PHF12: variants seen among roughly 807,000 people sequenced by gnomAD.
PHF12 encodes PHD factor 1.
A neutral mutation model predicts 99.8 loss-of-function variants in PHF12; 6 were observed. The observed-to-expected ratio is 0.06, with a 90% CI of 0.03 to 0.12. The LOEUF (loss-of-function observed/expected upper bound fraction) is 0.12, where lower values mean the gene tolerates loss of function less well. PHF12 is among the 10% of genes least tolerant of loss of function. PHF12 has a pLI of 1.00. For synonymous variants in PHF12, 480 were observed against 514.9 expected (o/e 0.93, Z 0.92); for missense variants, 954 against 1,300.1 (o/e 0.73, Z 4.09).
intron 8 of PHF12, 45 bp downstream of exon 8, chr17:28,913,834 C>T (rs1406720562): frequency 6.4e-7 from 1 of 1,569,246 alleles, no homozygotes; most frequent in African/African-American, 1.3e-5. Context: ...TGTGGTGACA[C>T]AGAAGGAAGG....
chr17:28,912,337 C>CTA, intron 9 of PHF12, 145 bp downstream of exon 9: 2 of 1,410,478 alleles, frequency 1.4e-6, no homozygotes, highest in Non-Finnish European at 1.8e-6. Flanking sequence ...GCTTCCTCTT[C>CTA]TATTACGGAA....
intron 4 of PHF12, among the ~76,000 whole-genome samples, chr17:28,922,165 T>A (rs2040178553): frequency 6.6e-6 from 1 of 152,194 alleles, no homozygotes; most frequent in African/African-American, 2.4e-5. Context: ...GGAGTTGGCC[T>A]GCAGTCTTGA....
chr17:28,909,489 G>A (rs2039922841), intron 11 of PHF12: 1 of 153,140 alleles, frequency 6.5e-6, no homozygotes, highest in African/African-American at 2.4e-5. Flanking sequence ...TTAACCACTT[G>A]GGGAAAATTT....
In PHF12 at chr17:28,906,692, G is replaced by A. The variant is rs1034089832; in HGVS notation, c.2680+164C>T. On this transcript the variant is annotated intron_variant, in intron 14 of 14. Transcript: ENST00000332830. The surrounding 1 kb of genome is among the most constrained non-coding windows in gnomAD (Gnocchi z 4.2). ...AGTCCCCACAGGTGTGTACACACAT[G>A]GGGGTACTCAGCACTTGCTTCTCTG... is the stretch of plus-strand genomic sequence containing the variant. 13 of 1,221,828 alleles carry A rather than the reference G, an allele frequency of 1.1e-5. No homozygotes were observed. The African/African-American group carries it at 2.0e-4, about 19-fold the overall frequency. 75.7% of individuals were successfully genotyped at this position (1,221,828 alleles called of 1,614,324 possible).
In PHF12 at chr17:28,929,355, G is replaced by A. The variant is rs180835419; in HGVS notation, c.249-2292C>T. Among the ~76,000 whole-genome samples, 11 of 151,774 alleles carry A rather than the reference G, an allele frequency of 7.2e-5. No homozygotes were observed. The East Asian group carries it at 2.0e-3, about 27-fold the overall frequency. On this transcript the variant is annotated intron_variant, in intron 2 of 14. Coordinates refer to ENST00000332830, the MANE Select transcript of PHF12 (RefSeq NM_001033561.2). ...CCTCCCATGTTCAAGCAATTCTCCC[G>A]CCTCAGCCTCCTGAGTAGCTAGGAT...
At chr17:28,931,376 C>T (rs2040401335) in intron 2 of PHF12, among the ~76,000 whole-genome samples, 1 of 151,652 alleles carries the variant, frequency 6.6e-6, no homozygotes, top group African/African-American at 2.4e-5. Flanking sequence ...TTGCCTCAGC[C>T]TCCCGAGTAG....
intron 6 of PHF12, among the ~76,000 whole-genome samples, chr17:28,918,447 G>A (rs1311516336): frequency 6.6e-6 from 1 of 152,196 alleles, no homozygotes; most frequent in African/African-American, 2.4e-5. Flanking sequence ...GTCTTTAACC[G>A]AGGTTCCTCT....
intron 2 of PHF12, among the ~76,000 whole-genome samples, chr17:28,936,050 TGCA>T (rs2040503006): frequency 6.6e-6 from 1 of 152,242 alleles, no homozygotes; most frequent in South Asian, 2.1e-4. Flanking sequence ...CTAATAAGGC[TGCA>T]GCTCAACACT....
rs767343036 is a variant in PHF12 at position 28,924,056 on chromosome 17, C to A, written c.568G>T (p.Val190Leu). 6.2e-7 allele frequency: 1 copy of A among 1,614,186 alleles called. No individual in the cohort carries two copies. ...TCCGCTGCTACTGGTTCCTCATCCA[C>A]GTCAATGATGTCTTCGTCGACATCA... ...QNDVDEDIID[V>L]DEEPVAAEPD... Residue 190 changes from valine (V) to leucine (L), a missense_variant, in exon 4 of 15, where the codon GTG becomes TTG. By Grantham distance (32) the Val-to-Leu change is conservative (BLOSUM62 1). Coordinates refer to ENST00000332830, the MANE Select transcript of PHF12 (RefSeq NM_001033561.2).
At chr17:28,926,517 T>C (rs976313980) in intron 3 of PHF12, 20 of 317,624 alleles carry the variant, frequency 6.3e-5, no homozygotes, top group African/African-American at 3.5e-4. Flanking sequence ...AGTACTGAAT[T>C]ATCAAAGCTG....
Position 28,906,824 on chromosome 17 carries a change from C to A in PHF12, c.2680+32G>T. 1 of 1,569,524 alleles carries A rather than the reference C, an allele frequency of 6.4e-7. No individual in the cohort carries two copies. Among genetic ancestry groups the A allele is most frequent in the Non-Finnish European group, 8.7e-7 (1 of 1,155,312 alleles). On this transcript the variant is annotated intron_variant, in intron 14 of 14. Transcript: ENST00000332830. The surrounding 1 kb of genome is among the most constrained non-coding windows in gnomAD (Gnocchi z 4.2). The stretch of plus-strand genomic sequence containing the variant: ...AGAACCACCCTGACTGGGGCCTCAG[C>A]TTTGTGGCCACAGATCTCTGCTCCA...
Position 28,950,803 on chromosome 17 carries a change from A to G in PHF12, c.66+92T>C. ...AAGAATCCCCCTCCCTCGGCCATCT[A>G]GGCGCTTCGAGTTTAGGACTGGCTT... On this transcript the variant is annotated intron_variant, in intron 1 of 14. Transcript: ENST00000332830. The surrounding 1 kb of genome is among the most constrained non-coding windows in gnomAD (Gnocchi z 5.7). 2 of 1,538,948 alleles carry G rather than the reference A, an allele frequency of 1.3e-6. No individual in the cohort carries two copies. The highest frequency in any genetic ancestry group is 1.8e-6 in the Non-Finnish European group (2 of 1,135,090).
chr17:28,906,679 T>C lies in PHF12; in HGVS notation c.2681-162A>G. On this transcript the variant is annotated intron_variant, in intron 14 of 14. Coordinates refer to ENST00000332830, the MANE Select transcript of PHF12 (RefSeq NM_001033561.2). The surrounding 1 kb of genome is among the most constrained non-coding windows in gnomAD (Gnocchi z 4.2). Reference sequence around the variant, plus strand: ...TGGTGGAGTCTGAAGTCCCCACAGGTGTGTACACACATGGGGGTACTCAGC... The same window carrying C: ...TGGTGGAGTCTGAAGTCCCCACAGGCGTGTACACACATGGGGGTACTCAGC... 1 of 1,196,514 alleles carries C rather than the reference T, an allele frequency of 8.4e-7. No homozygotes were observed. The highest frequency in any genetic ancestry group is 1.2e-6 in the Non-Finnish European group (1 of 863,268). 74.1% of individuals were successfully genotyped at this position (1,196,514 alleles called of 1,614,324 possible). A position where few individuals can be genotyped will look rare whatever the true frequency, so the allele number is the denominator to read the frequency against.
intron 7 of PHF12, among the ~76,000 whole-genome samples, chr17:28,914,838 T>C (rs545475445): frequency 1.3e-5 from 2 of 152,148 alleles, no homozygotes; most frequent in Non-Finnish European, 1.5e-5. Flanking sequence ...AATCACACCA[T>C]GTAAGAATGA....
intron 2 of PHF12, among the ~76,000 whole-genome samples, chr17:28,939,637 A>C (rs1028078005): frequency 1.3e-5 from 2 of 152,250 alleles, no homozygotes; most frequent in Non-Finnish European, 2.9e-5. Flanking sequence ...CATAATGCAG[A>C]GGCTTCTTTA....
chr17:28,910,721 A>C, intron 10 of PHF12: 1 of 394,612 alleles, frequency 2.5e-6, no homozygotes, highest in African/African-American at 2.0e-5. Flanking sequence ...CCTTGTGTTC[A>C]CAGAGATCAA....
At chr17:28,932,629 C>G (rs1167394615) in intron 2 of PHF12, among the ~76,000 whole-genome samples, 4 of 152,144 alleles carry the variant, frequency 2.6e-5, no homozygotes, top group Non-Finnish European at 5.9e-5. Context: ...CTGAGGACTC[C>G]CCACCTCAGC....
chr17:28,919,698 G>A (rs937720952), intron 5 of PHF12, among the ~76,000 whole-genome samples: 5 of 152,180 alleles, frequency 3.3e-5, no homozygotes, highest in Admixed American at 6.5e-5. Flanking sequence ...CCAAGATGGC[G>A]CCACTGCACT....
At chr17:28,944,968 A>G (rs917053752) in intron 2 of PHF12, 1 of 152,186 alleles carries the variant, frequency 6.6e-6, no homozygotes, top group African/African-American at 2.4e-5. Context: ...AAATCAGAAA[A>G]ACCACCTCCT....
Sources: allele counts gnomAD v4.1 joint callset (sites outside exome capture counted in the v4.1 genomes callset), GRCh38; gene constraint gnomAD v4.1.1; non-coding constraint Gnocchi (gnomAD v3.1); transcripts MANE v1.5; gene names NCBI Gene and HGNC (gene_info 2026-07-23, HGNC 2026-07-21).